Variants in SIPA1L1 observed in about 807,000 individuals in gnomAD.
SIPA1L1 encodes signal induced proliferation associated 1 like 1.
Under a neutral mutation model 162.7 loss-of-function variants are expected in SIPA1L1, and 26 were observed. That is an observed-to-expected ratio of 0.16 (90% CI 0.12 to 0.22). The LOEUF is 0.22. Ranked by LOEUF, SIPA1L1 falls within the 10% of genes least tolerant of loss-of-function variation. SIPA1L1 has a pLI of 1.00. For synonymous variants in SIPA1L1, 829 were observed against 837.4 expected, an observed-to-expected ratio of 0.99 and a Z score of 0.17; for missense variants, 1,874 against 2,241.0, an observed-to-expected ratio of 0.84 and a Z score of 3.31.
chr14:71,590,106 T>A (rs2035193347), intron 5 of SIPA1L1, among the ~76,000 whole-genome samples: 1 of 146,014 alleles, frequency 6.8e-6, no homozygotes, highest in South Asian at 2.1e-4. Flanking sequence ...TACACACATA[T>A]ATACACACAT....
At chr14:71,431,473 G>A (rs768447615) in intron 2 of SIPA1L1, among the ~76,000 whole-genome samples, 1 of 152,006 alleles carries the variant, frequency 6.6e-6, no homozygotes, top group Non-Finnish European at 1.5e-5. Context: ...CAGGAGAATC[G>A]CGTGAGTCCA....
At chr14:71,577,672 C>T (rs975752507) in intron 4 of SIPA1L1, among the ~76,000 whole-genome samples, 4 of 151,892 alleles carry the variant, frequency 2.6e-5, no homozygotes, top group Non-Finnish European at 4.4e-5. Flanking sequence ...AGCCATTGCG[C>T]CCAGCTGCAC....
At chr14:71,447,324 A>G (rs1308907335) in intron 2 of SIPA1L1, among the ~76,000 whole-genome samples, 1 of 152,182 alleles carries the variant, frequency 6.6e-6, no homozygotes, top group Non-Finnish European at 1.5e-5. Flanking sequence ...AATAAGAGGC[A>G]GTTTAGATCT....
chr14:71,355,735 C>G (rs543787058), intron 2 of SIPA1L1, among the ~76,000 whole-genome samples: 1 of 152,062 alleles, frequency 6.6e-6, no homozygotes, highest in African/African-American at 2.4e-5. Flanking sequence ...AGGGAAGGTT[C>G]GAAGTGTTGA....
rs774625645 is a variant in SIPA1L1 at position 71,671,152 on chromosome 14, C to T, written c.2289C>T (p.Ser763=). The T allele has an allele frequency of 2.5e-5, 41 of 1,612,418 alleles. No homozygotes were observed. The highest frequency in any genetic ancestry group is 3.2e-5 in the Non-Finnish European group (38 of 1,178,886). Residue 763 remains serine (S), a synonymous_variant, in exon 11 of 24, where the codon TCC becomes TCT. Coordinates refer to ENST00000381232, the MANE Select transcript of SIPA1L1 (RefSeq NM_001386936.1). ...TTACCAGGTCCAGAGATGTGCCTTC[C>T]TTTGGGCCTCCCATTCCTAAAGGGG... The part of the protein sequence containing the change: ...VAVTRSRDVP[S]FGPPIPKGVT...
chr14:71,391,749 A>G (rs994377117), intron 2 of SIPA1L1, among the ~76,000 whole-genome samples: 14 of 152,102 alleles, frequency 9.2e-5, no homozygotes, highest in Admixed American at 3.3e-4. Flanking sequence ...CTCTAAGGAG[A>G]GTACATTTTA....
At chr14:71,466,595 A>AC (rs1371274257) in intron 2 of SIPA1L1, among the ~76,000 whole-genome samples, 2 of 152,104 alleles carry the variant, frequency 1.3e-5, no homozygotes, top group African/African-American at 4.8e-5. Context: ...AAAAAAAAAA[A>AC]ACAGTAATAA....
At chr14:71,561,441 A>G (rs1041702194) in intron 4 of SIPA1L1, among the ~76,000 whole-genome samples, 2 of 152,240 alleles carry the variant, frequency 1.3e-5, no homozygotes, top group Non-Finnish European at 2.9e-5. Context: ...CAATAGCATT[A>G]ATTCGCAGTG....
At chr14:71,337,571 A>T (rs1372715348) in intron 2 of SIPA1L1, among the ~76,000 whole-genome samples, 1 of 152,192 alleles carries the variant, frequency 6.6e-6, no homozygotes, top group Non-Finnish European at 1.5e-5. Context: ...CATGAGACTT[A>T]TTCACTATCA....
chr14:71,495,848 G>A (rs766639780), intron 2 of SIPA1L1, among the ~76,000 whole-genome samples: 23 of 124,114 alleles, frequency 1.9e-4, no homozygotes, highest in East Asian at 7.4e-4. Flanking sequence ...CCAGGAGTTC[G>A]AGACCAGCCT....
chr14:71,359,386 A>G (rs141487123), intron 2 of SIPA1L1, among the ~76,000 whole-genome samples: 2,626 of 152,212 alleles, frequency 0.017, 71 homozygotes, highest in African/African-American at 0.06. Flanking sequence ...CGGGTATGTC[A>G]TTATTAGCAG....
At chr14:71,498,761 C>T (rs1031962486) in intron 2 of SIPA1L1, among the ~76,000 whole-genome samples, 4 of 151,944 alleles carry the variant, frequency 2.6e-5, no homozygotes, top group East Asian at 1.9e-4. Flanking sequence ...TTTTCTAGTC[C>T]GTGATGTGGT....
intron 21 of SIPA1L1, among the ~76,000 whole-genome samples, chr14:71,734,289 T>G (rs1389035987): frequency 6.6e-6 from 1 of 152,278 alleles, no homozygotes; most frequent in Non-Finnish European, 1.5e-5. Context: ...GCCAGCCTGC[T>G]GGCCGTGTGC....
At chr14:71,413,864 C>G (rs2042578558) in intron 2 of SIPA1L1, 1 of 152,052 alleles carries the variant, frequency 6.6e-6, no homozygotes, top group Non-Finnish European at 1.5e-5. Flanking sequence ...TTTTTTTCCC[C>G]TTTTACTTAC....
chr14:71,673,188 G>A (rs1276695365), intron 12 of SIPA1L1, among the ~76,000 whole-genome samples: 1 of 152,136 alleles, frequency 6.6e-6, no homozygotes, highest in Non-Finnish European at 1.5e-5. Flanking sequence ...TTCCAGAAGG[G>A]AAAACCTAAG....
intron 7 of SIPA1L1, among the ~76,000 whole-genome samples, chr14:71,630,412 A>T (rs2040450321): frequency 6.6e-6 from 1 of 152,232 alleles, no homozygotes; most frequent in African/African-American, 2.4e-5. Flanking sequence ...GACTGATAGC[A>T]TTAGCATTTG....
chr14:71,631,132 G>C (rs1313291052), intron 7 of SIPA1L1, among the ~76,000 whole-genome samples: 1 of 151,978 alleles, frequency 6.6e-6, no homozygotes, highest in East Asian at 1.9e-4. Flanking sequence ...TTGGTTTTCT[G>C]TCCTTGTGAT....
intron 4 of SIPA1L1, among the ~76,000 whole-genome samples, chr14:71,546,359 G>A (rs1057137805): frequency 7.4e-6 from 1 of 135,958 alleles, no homozygotes; most frequent in Non-Finnish European, 1.6e-5. Flanking sequence ...TCTCTGTATT[G>A]TTTTTTCTTT....
intron 2 of SIPA1L1, among the ~76,000 whole-genome samples, chr14:71,325,732 C>T (rs1023974595): frequency 6.6e-6 from 1 of 152,076 alleles, no homozygotes; most frequent in Non-Finnish European, 1.5e-5. Context: ...CAAAGTCAGG[C>T]GAAGCCATTT....
Sources: gnomAD v4.1 joint callset for allele counts (sites outside exome capture counted in the v4.1 genomes callset) on GRCh38, gnomAD v4.1.1 for gene constraint, MANE v1.5 for transcripts, NCBI Gene and HGNC (gene_info 2026-07-23, HGNC 2026-07-21) for gene names.